Variants in CNST observed in about 807,000 individuals in gnomAD.
CNST encodes consortin.
CNST carries 39 observed loss-of-function variants against 72.4 expected under a neutral mutation model. The observed-to-expected ratio is 0.54, with a 90% CI of 0.42 to 0.70. The LOEUF (loss-of-function observed/expected upper bound fraction) is 0.70. CNST is among the 30% of genes least tolerant of loss of function. CNST has a pLI of 0.00. For synonymous variants in CNST, 332 were observed against 320.1 expected (o/e 1.04, Z -0.40); for missense variants, 871 against 868.5 (o/e 1.00, Z -0.04).
Position 246,666,886 on chromosome 1 carries a change from G to A in CNST, c.*981G>A, listed in dbSNP as rs547875342. ...AGAATAAACCAGTACTTTGCTGAGTGAAATCACCATATAGAATTCAGTATT... is the reference window on the plus strand; with the variant it reads ...AGAATAAACCAGTACTTTGCTGAGTAAAATCACCATATAGAATTCAGTATT... On this transcript the variant is annotated 3_prime_UTR_variant, in exon 11 of 11. Transcript: ENST00000366513. 1 of 152,296 alleles carries A rather than the reference G, an allele frequency of 6.6e-6. No individual in the cohort carries two copies. Among genetic ancestry groups the A allele is most frequent in the South Asian group, 2.1e-4 (1 of 4,822 alleles). The allele number at this position is 152,296 out of a possible 1,614,324, so 9.4% of individuals were successfully genotyped here. A position where few individuals can be genotyped will look rare whatever the true frequency, so the allele number is the denominator to read the frequency against.
chr1:246,644,498 TCTC>T (rs1486930307), intron 8 of CNST, among the ~76,000 whole-genome samples: 3 of 152,214 alleles, frequency 2.0e-5, no homozygotes, highest in African/African-American at 7.2e-5. Context: ...TCAAAGCTCT[TCTC>T]CGCCCTCCAG....
rs1665256026 is a variant in CNST at position 246,636,507 on chromosome 1, T to C, written c.818+1920T>C. ...CTCCTAGATCTACAAACCGGTTTTT[T>C]CCTGGCTAGGGAGGGGATACGTCTG... is the stretch of plus-strand genomic sequence containing the variant. On this transcript the variant is annotated intron_variant, in intron 6 of 10. Coordinates refer to ENST00000366513, the MANE Select transcript of CNST (RefSeq NM_152609.3). Among the ~76,000 whole-genome samples the C allele has an allele frequency of 3.3e-5, 5 of 152,310 alleles. No homozygotes were observed. In the South Asian group the frequency reaches 1.0e-3, roughly 32 times the overall value.
chr1:246,572,987 C>T (rs930022742), intron 1 of CNST, among the ~76,000 whole-genome samples: 1 of 152,130 alleles, frequency 6.6e-6, no homozygotes. Context: ...AACAGGATTT[C>T]CTCCCTCAGC....
intron 2 of CNST, among the ~76,000 whole-genome samples, chr1:246,593,506 A>G (rs755226203): frequency 4.1e-4 from 62 of 151,998 alleles, no homozygotes; most frequent in Non-Finnish European, 7.7e-4. Flanking sequence ...ATGCCCAGCT[A>G]ATTTTTTTTG....
intron 1 of CNST, among the ~76,000 whole-genome samples, chr1:246,567,842 T>C (rs1659816380): frequency 1.3e-5 from 2 of 152,172 alleles, no homozygotes; most frequent in African/African-American, 2.4e-5. Flanking sequence ...ATTACTGAGC[T>C]GCCTCCCCCT....
Position 246,566,469 on chromosome 1 carries a change from G to C in CNST, c.-246G>C, listed in dbSNP as rs527663095. Reference sequence around the variant, plus strand: ...GCTCTATGCTCCGCGGTCGCGGGCCGCCAGCCTCCAGCCGGCCAGCCGCGA... The same window carrying C: ...GCTCTATGCTCCGCGGTCGCGGGCCCCCAGCCTCCAGCCGGCCAGCCGCGA... On this transcript the variant is annotated 5_prime_UTR_variant, in exon 1 of 11. Transcript: ENST00000366513. 9.1e-6 allele frequency: 4 copies of C among 441,618 alleles called. No homozygotes were observed. The East Asian group carries it at 1.3e-4, about 14-fold the overall frequency. The allele number at this position is 441,618 out of a possible 1,614,324, so 27.4% of individuals were successfully genotyped here.
intron 2 of CNST, among the ~76,000 whole-genome samples, chr1:246,610,452 C>T (rs976187235): frequency 1.2e-4 from 19 of 152,142 alleles, no homozygotes; most frequent in Admixed American, 9.2e-4. Context: ...TTCAATGTCT[C>T]GGCTTCTTCC....
intron 1 of CNST, among the ~76,000 whole-genome samples, chr1:246,585,798 C>T (rs1182136001): frequency 1.3e-5 from 2 of 151,268 alleles, no homozygotes; most frequent in Admixed American, 6.6e-5. Flanking sequence ...TCTTTGCCTA[C>T]GCTGGGCGTG....
rs555467957 is a variant in CNST, at chr1:246,576,571, C to CTG, written c.-52+9909_-52+9910dup. Among the ~76,000 whole-genome samples the CTG allele has an allele frequency of 1.9e-3, 285 of 151,416 alleles. 1 individual carries two copies. Among genetic ancestry groups the CTG allele is most frequent in the Non-Finnish European group, 3.2e-3 (219 of 67,930 alleles). On this transcript the variant is annotated intron_variant, in intron 1 of 10. Coordinates refer to ENST00000366513, the MANE Select transcript of CNST (RefSeq NM_152609.3). ...AGTGCAGTGGTATGATCTCCACTCA[C>CTG]TGGAACCTCTGCCTCCCAGGTTCAA...
chr1:246,637,428 T>G (rs1199882367), intron 6 of CNST, among the ~76,000 whole-genome samples: 1 of 152,214 alleles, frequency 6.6e-6, no homozygotes, highest in African/African-American at 2.4e-5. Context: ...AGACCATGTC[T>G]GGATTAAGGA....
At chr1:246,635,973 A>G (rs1376968358) in intron 6 of CNST, among the ~76,000 whole-genome samples, 10 of 152,174 alleles carry the variant, frequency 6.6e-5, no homozygotes, top group Admixed American at 4.6e-4. Flanking sequence ...AGCTAGTGCT[A>G]AGGTAGCCGT....
chr1:246,615,200 G>A (rs1663598337), intron 2 of CNST, among the ~76,000 whole-genome samples: 1 of 152,106 alleles, frequency 6.6e-6, no homozygotes, highest in Non-Finnish European at 1.5e-5. Flanking sequence ...CTTTGAGACG[G>A]AGTCTCGCTC....
At chr1:246,625,935 G>A (rs899997072) in intron 3 of CNST, among the ~76,000 whole-genome samples, 1 of 152,144 alleles carries the variant, frequency 6.6e-6, no homozygotes, top group African/African-American at 2.4e-5. Context: ...TATTGGAAAC[G>A]TCAAGTTGAT....
intron 2 of CNST, among the ~76,000 whole-genome samples, chr1:246,605,350 G>T (rs1017791580): frequency 7.2e-5 from 11 of 152,318 alleles, no homozygotes; most frequent in Admixed American, 6.5e-4. Flanking sequence ...CCAAAGCAAG[G>T]GAGTCGCTTG....
At chr1:246,602,095 A>C (rs1027301673) in intron 2 of CNST, among the ~76,000 whole-genome samples, 3 of 152,232 alleles carry the variant, frequency 2.0e-5, no homozygotes, top group Non-Finnish European at 4.4e-5. Context: ...GCTGTTATCT[A>C]GCTCTTTCCA....
chr1:246,610,030 C>T (rs1034619866), intron 2 of CNST, among the ~76,000 whole-genome samples: 2 of 152,166 alleles, frequency 1.3e-5, no homozygotes, highest in Non-Finnish European at 2.9e-5. Flanking sequence ...GGCCTGTAAT[C>T]CCAGCACTTT....
intron 2 of CNST, among the ~76,000 whole-genome samples, chr1:246,613,573 T>G (rs1236032659): frequency 2.0e-5 from 3 of 150,494 alleles, no homozygotes; most frequent in Non-Finnish European, 4.4e-5. Context: ...TAGTTTTGAA[T>G]GATAGGGTAC....
At chr1:246,656,187 T>C (rs1171056937) in intron 9 of CNST, among the ~76,000 whole-genome samples, 2 of 152,146 alleles carry the variant, frequency 1.3e-5, no homozygotes, top group East Asian at 3.8e-4. Context: ...AGAATGTGAC[T>C]TGGTATCTGT....
At position 246,665,681 on chromosome 1, in the gene CNST, CTCTT is replaced by C; in HGVS notation, c.1973-15_1973-12del. The stretch of plus-strand genomic sequence containing the variant: ...CCATTTCGGTGACAATGTAACCTCA[CTCTT>C]TCTCATGTTTGCAGATGAAGTTGGA... On this transcript the variant is annotated splice_polypyrimidine_tract_variant and intron_variant, in intron 10 of 10. Coordinates refer to ENST00000366513, the MANE Select transcript of CNST (RefSeq NM_152609.3). The C allele has an allele frequency of 6.2e-7, 1 of 1,605,598 alleles. No individual in the cohort carries two copies. The highest frequency in any genetic ancestry group is 8.5e-7 in the Non-Finnish European group (1 of 1,174,002).
Sources: gnomAD v4.1 joint callset for allele counts (sites outside exome capture counted in the v4.1 genomes callset) on GRCh38, gnomAD v4.1.1 for gene constraint, MANE v1.5 for transcripts, NCBI Gene and HGNC (gene_info 2026-07-23, HGNC 2026-07-21) for gene names.